SULF1: variants seen among roughly 807,000 people sequenced by gnomAD.
SULF1 encodes the protein extracellular sulfatase Sulf-1.
A neutral mutation model predicts 110.5 loss-of-function variants in SULF1; 46 were observed. The ratio of observed to expected loss-of-function variants is 0.42; its 90% CI spans 0.33 to 0.53. SULF1 has a LOEUF of 0.53. SULF1 is among the 20% of genes least tolerant of loss of function. The pLI is 0.12. For missense variants in SULF1, 941 were observed against 1,094.2 expected, an observed-to-expected ratio of 0.86 and a Z score of 1.98; for synonymous variants, 371 against 387.1, an observed-to-expected ratio of 0.96 and a Z score of 0.49.
intron 19 of SULF1, among the ~76,000 whole-genome samples, chr8:69,635,382 G>A (rs771559927): frequency 1.3e-5 from 2 of 152,186 alleles, no homozygotes; most frequent in Non-Finnish European, 1.5e-5. Context: ...TGGTGAGAGA[G>A]GTTATGTATC....
At chr8:69,470,267 T>C (rs867201907) in intron 1 of SULF1, among the ~76,000 whole-genome samples, 46 of 152,142 alleles carry the variant, frequency 3.0e-4, no homozygotes, top group African/African-American at 1.1e-3. Flanking sequence ...TTTATCATTA[T>C]TGACTTTGGG....
intron 13 of SULF1, among the ~76,000 whole-genome samples, chr8:69,618,408 T>C (rs1809346042): frequency 6.6e-6 from 1 of 152,218 alleles, no homozygotes; most frequent in Admixed American, 6.5e-5. Context: ...ACTAATTACA[T>C]AGCATTTACA....
chr8:69,579,544 G>GTC (rs1174748028), intron 6 of SULF1, among the ~76,000 whole-genome samples: 3 of 130,774 alleles, frequency 2.3e-5, no homozygotes, highest in African/African-American at 9.9e-5. Context: ...GCAAGACTCT[G>GTC]TCACACACAC....
intron 22 of SULF1, among the ~76,000 whole-genome samples, chr8:69,657,489 T>C (rs1010633077): frequency 6.6e-6 from 1 of 152,236 alleles, no homozygotes; most frequent in Admixed American, 6.5e-5. Context: ...TGACGTTCTT[T>C]CCACCAACAG....
chr8:69,554,709 G>A (rs149075167), intron 3 of SULF1, among the ~76,000 whole-genome samples: 2 of 151,762 alleles, frequency 1.3e-5, no homozygotes, highest in South Asian at 2.1e-4. Context: ...GTGAGTCGCC[G>A]TGGCTCACAC....
intron 3 of SULF1, among the ~76,000 whole-genome samples, chr8:69,510,634 T>G (rs1405272918): frequency 8.0e-6 from 1 of 124,784 alleles, no homozygotes; most frequent in East Asian, 2.4e-4. Flanking sequence ...TTTTTTTTTT[T>G]GAGACAAAGT....
intron 5 of SULF1, among the ~76,000 whole-genome samples, chr8:69,570,990 G>A (rs1241185069): frequency 6.6e-6 from 1 of 152,232 alleles, no homozygotes; most frequent in Non-Finnish European, 1.5e-5. Context: ...GAGCATTTGT[G>A]TCTGGCTCCC....
At chr8:69,485,792 T>C (rs781150646) in intron 1 of SULF1, among the ~76,000 whole-genome samples, 12 of 152,214 alleles carry the variant, frequency 7.9e-5, no homozygotes, top group Non-Finnish European at 1.6e-4. Context: ...TCTACGTACT[T>C]ACAAGAAGAG....
chr8:69,638,374 A>T (rs1367583400), intron 19 of SULF1, 128 bp from the exon 20 acceptor site: 4 of 1,129,088 alleles, frequency 3.5e-6, no homozygotes, highest in Non-Finnish European at 3.7e-6. Flanking sequence ...TTAACATGAA[A>T]CCACAATATT....
At chr8:69,600,936 A>G (rs533201214) in intron 9 of SULF1, among the ~76,000 whole-genome samples, 183 bp downstream of exon 9, 11 of 152,298 alleles carry the variant, frequency 7.2e-5, no homozygotes, top group African/African-American at 2.2e-4. Context: ...TCCTCATTCC[A>G]TCTACCTCTC....
intron 3 of SULF1, among the ~76,000 whole-genome samples, chr8:69,524,274 G>C (rs1379890895): frequency 1.3e-5 from 2 of 151,974 alleles, no homozygotes; most frequent in Non-Finnish European, 2.9e-5. Context: ...CCTGAGGCTG[G>C]GTAAGTTATA....
Position 69,658,481 on chromosome 8 carries a change from T to A in SULF1, c.2586-24T>A, listed in dbSNP as rs750821188. 2.6e-6 allele frequency: 4 copies of A among 1,547,346 alleles called. No homozygotes were observed. In the South Asian group the frequency reaches 5.0e-5, roughly 19 times the overall value. On this transcript the variant is annotated intron_variant, in intron 22 of 22. Transcript: ENST00000402687. Reference sequence around the variant, plus strand: ...AGAAAGCCTTTTCTCCACTAATGATTCACCTTCTTCTCTCTTTTCACAGAG... The same window carrying A: ...AGAAAGCCTTTTCTCCACTAATGATACACCTTCTTCTCTCTTTTCACAGAG...
intron 3 of SULF1, among the ~76,000 whole-genome samples, chr8:69,517,156 G>T (rs1468923563): frequency 6.6e-6 from 1 of 152,194 alleles, no homozygotes; most frequent in Non-Finnish European, 1.5e-5. Context: ...TGGCAGAAGG[G>T]TGGAAGGGCA....
intron 19 of SULF1, among the ~76,000 whole-genome samples, chr8:69,631,110 C>G (rs983470250): frequency 6.6e-6 from 1 of 152,086 alleles, no homozygotes; most frequent in African/African-American, 2.4e-5. Context: ...TAGAGAGAAG[C>G]GATCCCTGTG....
intron 1 of SULF1, among the ~76,000 whole-genome samples, chr8:69,479,024 A>C (rs1809413578): frequency 6.6e-6 from 1 of 152,174 alleles, no homozygotes; most frequent in Non-Finnish European, 1.5e-5. Context: ...CATCTCATGC[A>C]CTGATTCTCT....
At chr8:69,531,870 G>T (rs968838827) in intron 3 of SULF1, among the ~76,000 whole-genome samples, 2 of 152,132 alleles carry the variant, frequency 1.3e-5, no homozygotes, top group African/African-American at 4.8e-5. Flanking sequence ...GGGAAAGAGA[G>T]GCGGCTCTAA....
chr8:69,500,762 G>A (rs1810739072), intron 2 of SULF1, among the ~76,000 whole-genome samples: 1 of 152,180 alleles, frequency 6.6e-6, no homozygotes, highest in African/African-American at 2.4e-5. Context: ...TAATGGGTGA[G>A]GTGGGCCACA....
At chr8:69,544,528 A>T (rs1814109329) in intron 3 of SULF1, among the ~76,000 whole-genome samples, 1 of 152,098 alleles carries the variant, frequency 6.6e-6, no homozygotes, top group African/African-American at 2.4e-5. Flanking sequence ...CAGCCTCCAA[A>T]AGTGCTGGGA....
intron 6 of SULF1, among the ~76,000 whole-genome samples, chr8:69,582,515 C>T (rs1806146592): frequency 6.6e-6 from 1 of 152,104 alleles, no homozygotes; most frequent in African/African-American, 2.4e-5. Context: ...AACAATCCTG[C>T]CACCATTATT....
Sources: gnomAD v4.1 joint callset for allele counts (sites outside exome capture counted in the v4.1 genomes callset) on GRCh38, gnomAD v4.1.1 for gene constraint, MANE v1.5 for transcripts, NCBI Gene and HGNC (gene_info 2026-07-23, HGNC 2026-07-21) for gene names.